Variants in KLHL18 observed in about 807,000 individuals in gnomAD.
KLHL18 encodes the protein kelch like family member 18.
KLHL18 carries 38 observed loss-of-function variants against 58.5 expected under a neutral mutation model. That is an observed-to-expected ratio of 0.65 (90% CI 0.50 to 0.85). The LOEUF is 0.85. Among genes scored for constraint, KLHL18 ranks in the 40% least tolerant of loss-of-function variants. KLHL18 has a pLI of 0.00. For synonymous variants in KLHL18, 303 were observed against 301.9 expected (o/e 1.00, Z -0.04); for missense variants, 624 against 778.4 (o/e 0.80, Z 2.36).
chr3:47,316,557 A>ATATATACG (rs1703437427), intron 1 of KLHL18, among the ~76,000 whole-genome samples: 5 of 3,498 alleles, frequency 1.4e-3, no homozygotes, highest in Non-Finnish European at 5.8e-3. Context: ...ACATATATAC[A>ATATATACG]TATATATGTA....
At chr3:47,340,380 C>T (rs1260320147) in intron 7 of KLHL18, among the ~76,000 whole-genome samples, 192 bp from the exon 8 acceptor site, 6 of 152,040 alleles carry the variant, frequency 3.9e-5, no homozygotes, top group South Asian at 2.1e-4. Context: ...AGGCAGCCTG[C>T]GGTAGAAGGG....
intron 1 of KLHL18, among the ~76,000 whole-genome samples, chr3:47,313,509 C>T (rs1392811180): frequency 3.3e-5 from 5 of 152,194 alleles, no homozygotes; most frequent in Admixed American, 2.6e-4. Context: ...CAGGCATGAA[C>T]CACCATGCCC....
intron 7 of KLHL18, among the ~76,000 whole-genome samples, chr3:47,339,467 G>A (rs1704058000): frequency 6.9e-6 from 1 of 144,890 alleles, no homozygotes; most frequent in African/African-American, 2.6e-5. Context: ...ACTCCAGCCT[G>A]ATGATAGAGC....
At chr3:47,336,202 G>A (rs555549991) in intron 6 of KLHL18, among the ~76,000 whole-genome samples, 18 of 152,280 alleles carry the variant, frequency 1.2e-4, no homozygotes, top group Non-Finnish European at 2.4e-4. Flanking sequence ...GCACTGGAGC[G>A]CATGCCCGTC....
intron 7 of KLHL18, chr3:47,338,018 G>C (rs1467182660): frequency 6.6e-6 from 1 of 152,158 alleles, no homozygotes; most frequent in African/African-American, 2.4e-5. Flanking sequence ...TTAATATCCT[G>C]TTATTAGTGT....
intron 8 of KLHL18, 110 bp from the exon 9 acceptor site, chr3:47,342,609 A>G: frequency 3.8e-6 from 3 of 790,442 alleles, no homozygotes; most frequent in Non-Finnish European, 6.3e-6. Flanking sequence ...AGAGGTGATA[A>G]GAGATGGAGA....
chr3:47,288,622 G>T (rs1702727435), intron 1 of KLHL18, among the ~76,000 whole-genome samples: 1 of 152,052 alleles, frequency 6.6e-6, no homozygotes, highest in Non-Finnish European at 1.5e-5. Flanking sequence ...TTTCCTTTTG[G>T]AAAATATTTG....
Position 47,295,431 on chromosome 3 carries a change from A to T in KLHL18, c.129+12337A>T, listed in dbSNP as rs564160530. ...TCCCCCTCCTCTGGGCCTTTGCTCT[A>T]GTGTTCCTTTGGCTTGGAGTATCTG... On this transcript the variant is annotated intron_variant, in intron 1 of 9. Coordinates refer to ENST00000232766, the MANE Select transcript of KLHL18 (RefSeq NM_025010.5). Among the ~76,000 whole-genome samples, 4 of 152,178 alleles carry T rather than the reference A, an allele frequency of 2.6e-5. No individual in the cohort carries two copies. In the East Asian group the frequency reaches 7.7e-4, roughly 29 times the overall value.
At chr3:47,343,116 A>G (rs1334451608) in intron 9 of KLHL18, among the ~76,000 whole-genome samples, 1 of 152,232 alleles carries the variant, frequency 6.6e-6, no homozygotes, top group Non-Finnish European at 1.5e-5. Flanking sequence ...AAGTAAGTTC[A>G]GTTATAGACC....
chr3:47,291,687 A>G (rs1373554373), intron 1 of KLHL18, among the ~76,000 whole-genome samples: 1 of 152,210 alleles, frequency 6.6e-6, no homozygotes, highest in Non-Finnish European at 1.5e-5. Context: ...AGGCTTTTGA[A>G]GTAGGTTTTA....
chr3:47,321,134 A>G (rs903580995), intron 2 of KLHL18, among the ~76,000 whole-genome samples: 1 of 152,082 alleles, frequency 6.6e-6, no homozygotes, highest in African/African-American at 2.4e-5. Context: ...GTGAGAAAAC[A>G]GCACCTCTTC....
chr3:47,296,398 A>T (rs1347583087), intron 1 of KLHL18, among the ~76,000 whole-genome samples: 1 of 152,238 alleles, frequency 6.6e-6, no homozygotes, highest in Non-Finnish European at 1.5e-5. Context: ...AACATACTAT[A>T]TAAGTGCATT....
chr3:47,340,498 G>C, intron 7 of KLHL18, 74 bp from the exon 8 acceptor site: 1 of 1,606,624 alleles, frequency 6.2e-7, no homozygotes, highest in Non-Finnish European at 8.5e-7. Flanking sequence ...TGATAGGTTT[G>C]TTTCTCAGTG....
chr3:47,302,282 C>G (rs1296729439), intron 1 of KLHL18, among the ~76,000 whole-genome samples: 1 of 152,156 alleles, frequency 6.6e-6, no homozygotes, highest in Admixed American at 6.5e-5. Flanking sequence ...GTCAAGAGAT[C>G]AAGACCATTC....
At chr3:47,318,942 T>A (rs1016952958) in intron 1 of KLHL18, among the ~76,000 whole-genome samples, 1 of 152,266 alleles carries the variant, frequency 6.6e-6, no homozygotes. Flanking sequence ...AGGACTGTTT[T>A]GCTCTTCCTG....
At chr3:47,284,197 A>G (rs892701166) in intron 1 of KLHL18, among the ~76,000 whole-genome samples, 1 of 151,848 alleles carries the variant, frequency 6.6e-6, no homozygotes, top group Admixed American at 6.6e-5. Flanking sequence ...ACACCACTGC[A>G]CTCCAGCCTG....
chr3:47,310,581 T>C (rs915287581), intron 1 of KLHL18, among the ~76,000 whole-genome samples: 6 of 152,238 alleles, frequency 3.9e-5, no homozygotes, highest in African/African-American at 1.4e-4. Context: ...TCATCCACTT[T>C]CTACATAGTC....
intron 3 of KLHL18, among the ~76,000 whole-genome samples, chr3:47,324,676 A>T (rs1703673937): frequency 6.6e-6 from 1 of 152,040 alleles, no homozygotes; most frequent in Non-Finnish European, 1.5e-5. Context: ...CTACAAAAAA[A>T]AAATTTTTTT....
chr3:47,284,337 C>CTTTTTTTTTTTTTTT (rs767276527), intron 1 of KLHL18, among the ~76,000 whole-genome samples: 3 of 127,146 alleles, frequency 2.4e-5, no homozygotes, highest in Non-Finnish European at 4.9e-5. Context: ...TTTCTTTTTT[C>CTTTTTTTTTTTTTTT]TTTTTTTTTT....
Sources: allele counts gnomAD v4.1 joint callset (sites outside exome capture counted in the v4.1 genomes callset), GRCh38; gene constraint gnomAD v4.1.1; transcripts MANE v1.5; gene names NCBI Gene and HGNC (gene_info 2026-07-23, HGNC 2026-07-21).